The following RTN4 variants were observed in gnomAD, a reference collection of about 807,000 sequenced individuals.
RTN4 encodes the protein reticulon-4.
Under a neutral mutation model 90.4 loss-of-function variants are expected in RTN4, and 32 were observed. That is an observed-to-expected ratio of 0.35 (90% CI 0.27 to 0.48). RTN4 has a LOEUF of 0.48. Ranked by LOEUF, RTN4 falls within the 20% of genes least tolerant of loss-of-function variation. RTN4 has a pLI of 0.99. For missense variants in RTN4, 1,706 were observed against 1,430.2 expected (o/e 1.19, Z -3.11); for synonymous variants, 629 against 552.5 (o/e 1.14, Z -1.94).
rs1179975407 is a variant in RTN4, at chr2:54,972,477, A to AGAAATATTTCT, written c.*668_*678dup. On this transcript the variant is annotated 3_prime_UTR_variant, in exon 9 of 9. Coordinates refer to ENST00000337526, the MANE Select transcript of RTN4 (RefSeq NM_020532.5). ...GTTGAAAACAGATGGTAGTGCTCCT[A>AGAAATATTTCT]GAAATATTTCTTCTTCTAGCTTATG... 6.6e-6 allele frequency: 1 copy of AGAAATATTTCT among 152,608 alleles called. No individual in the cohort carries two copies. Among genetic ancestry groups the AGAAATATTTCT allele is most frequent in the African/African-American group, 2.4e-5 (1 of 41,420 alleles). 9.5% of individuals were successfully genotyped at this position (152,608 alleles called of 1,614,324 possible).
intron 1 of RTN4, among the ~76,000 whole-genome samples, chr2:55,096,136 A>G (rs1463287971): frequency 1.3e-5 from 2 of 152,032 alleles, no homozygotes; most frequent in African/African-American, 4.8e-5. Context: ...AGCCCAACCT[A>G]ACCAACATGG....
Position 55,027,329 on chromosome 2 carries a change from G to A in RTN4, c.770C>T (p.Thr257Ile), listed in dbSNP as rs571192430. 8 of 1,613,468 alleles carry A rather than the reference G, an allele frequency of 5.0e-6. No individual in the cohort carries two copies. The highest frequency in any genetic ancestry group is 2.2e-5 in the East Asian group (1 of 44,878). ...AAGTGTTCCTTCAGTGGGTAATACT[G>A]TTGACAAATTACCAAGGTATTCATG... ...KEHEYLGNLS[T>I]VLPTEGTLQE... The change falls in exon 3 of 9, where the codon ACA becomes ATA. Residue 257 changes from threonine (T) to isoleucine (I), a missense_variant. By Grantham distance (89) the Thr-to-Ile change is moderately conservative (BLOSUM62 -1). Transcript: ENST00000337526.
At chr2:55,019,177 T>A (rs554813691) in intron 3 of RTN4, among the ~76,000 whole-genome samples, 1 of 152,218 alleles carries the variant, frequency 6.6e-6, no homozygotes, top group East Asian at 1.9e-4. Context: ...TACTGATAAT[T>A]AATTAGCTAA....
intron 3 of RTN4, chr2:55,010,173 G>T: frequency 6.2e-7 from 1 of 1,610,928 alleles, no homozygotes; most frequent in Non-Finnish European, 8.5e-7. Flanking sequence ...CATACCAACA[G>T]AAAAGCTGTA....
chr2:55,029,212 A>G (rs1682128805), intron 1 of RTN4, among the ~76,000 whole-genome samples: 1 of 152,186 alleles, frequency 6.6e-6, no homozygotes. Flanking sequence ...AGAGGCCTCA[A>G]AAAGAAATCT....
intron 3 of RTN4, among the ~76,000 whole-genome samples, chr2:55,003,662 G>C (rs1228949146): frequency 6.6e-6 from 1 of 152,174 alleles, no homozygotes; most frequent in Admixed American, 6.5e-5. Flanking sequence ...ATGTCTGCAG[G>C]TTCCACATCT....
At chr2:55,061,252 C>T (rs1016851361) in intron 2 of RTN4, among the ~76,000 whole-genome samples, 3 of 151,890 alleles carry the variant, frequency 2.0e-5, no homozygotes, top group African/African-American at 4.8e-5. Context: ...TTAGTAGGGA[C>T]GGGGTTTCAC....
chr2:54,977,522 C>T lies in RTN4; in HGVS notation c.3361-2758G>A, dbSNP rs185779235. ...CTGCTGAAAATACCTGGTCTTAGTC[C>T]CTAAAAAAGTAAAATTATTAGACAG... is the stretch of plus-strand genomic sequence containing the variant. On this transcript the variant is annotated intron_variant, in intron 5 of 8. Transcript: ENST00000337526. Among the ~76,000 whole-genome samples, 25 of 151,750 alleles carry T rather than the reference C, an allele frequency of 1.6e-4. No individual in the cohort carries two copies. The East Asian group carries it at 4.8e-3, about 29-fold the overall frequency.
intron 3 of RTN4, chr2:55,014,298 A>C (rs1263318226): frequency 2.6e-5 from 4 of 152,184 alleles, no homozygotes; most frequent in Non-Finnish European, 4.4e-5. Flanking sequence ...AATGAATACT[A>C]AAATTCATAA....
In RTN4 at chr2:55,015,059, G is replaced by A. The variant is rs140193956; in HGVS notation, c.3013+10027C>T. ...TAGTGCAAAACGATATTCACAGCTC[G>A]CTAAATTTCTCTGTCCAACTGAATT... On this transcript the variant is annotated intron_variant, in intron 3 of 8. Coordinates refer to ENST00000337526, the MANE Select transcript of RTN4 (RefSeq NM_020532.5). 1.4e-3 allele frequency among the ~76,000 whole-genome samples: 207 copies of A among 152,160 alleles called. 3 individuals carry two copies. In the East Asian group the frequency reaches 0.034, roughly 25 times the overall value.
intron 1 of RTN4, among the ~76,000 whole-genome samples, chr2:55,041,400 A>T (rs1227941565): frequency 6.6e-6 from 1 of 152,122 alleles, no homozygotes; most frequent in African/African-American, 2.4e-5. Flanking sequence ...GATAAAAAAA[A>T]TTTTAAGATG....
chr2:55,014,791 A>G (rs1039119584), intron 3 of RTN4, among the ~76,000 whole-genome samples: 5 of 152,170 alleles, frequency 3.3e-5, no homozygotes, highest in African/African-American at 1.2e-4. Context: ...CTGGGATTAC[A>G]GACGTGAGCC....
chr2:55,074,517 C>CAAAAAAAAA (rs778275041), intron 2 of RTN4, among the ~76,000 whole-genome samples: 1 of 59,604 alleles, frequency 1.7e-5, no homozygotes, highest in Non-Finnish European at 3.6e-5. Flanking sequence ...CTGCCCTCAC[C>CAAAAAAAAA]AAAAAAAAAA....
At chr2:55,035,721 G>A (rs903927346) in intron 1 of RTN4, among the ~76,000 whole-genome samples, 3 of 152,100 alleles carry the variant, frequency 2.0e-5, no homozygotes, top group African/African-American at 7.2e-5. Context: ...CTGAGAGACA[G>A]AGAGAGGAAG....
chr2:55,053,021 T>A (rs906904762), upstream of RTN4, among the ~76,000 whole-genome samples: 1 of 152,180 alleles, frequency 6.6e-6, no homozygotes, highest in Non-Finnish European at 1.5e-5. Context: ...AAAGAATAAT[T>A]ATAAATAGTA....
rs767411188 is a variant in RTN4 at position 55,027,378 on chromosome 2, G to C, written c.721C>G (p.Leu241Val). The change falls in exon 3 of 9, where the codon CTC becomes GTC. Residue 241 changes from leucine to valine, a missense_variant. Physicochemically the swap from Leu to Val is conservative, Grantham distance 32. Coordinates refer to ENST00000337526, the MANE Select transcript of RTN4 (RefSeq NM_020532.5). ...TGTTCTTTGAAAGAAGCGGCTGAGA[G>C]AGGAGACAGAGAAGGAAGAGAAGCA... ...TAASLPSLSP[L>V]SAASFKEHEY... is the part of the protein sequence containing the mutation. The C allele has an allele frequency of 1.2e-6, 2 of 1,613,684 alleles. No homozygotes were observed. Among genetic ancestry groups the C allele is most frequent in the Middle Eastern group, 1.7e-4 (1 of 6,060 alleles).
At chr2:55,120,591 A>T in the RTN4 span, among the ~76,000 whole-genome samples, 1 of 152,144 alleles carries the variant, frequency 6.6e-6, no homozygotes, top group Non-Finnish European at 1.5e-5. Context: ...GATGGTTTAA[A>T]TAAATGTCCA....
intron 1 of RTN4, among the ~76,000 whole-genome samples, chr2:55,040,792 TA>T (rs1050824314): frequency 1.4e-3 from 196 of 143,928 alleles, no homozygotes; most frequent in African/African-American, 3.5e-3. Context: ...TAGGCCTAGT[TA>T]AAAAAAAAAA....
chr2:55,117,694 C>T, the RTN4 span, among the ~76,000 whole-genome samples: 1 of 152,100 alleles, frequency 6.6e-6, no homozygotes, highest in African/African-American at 2.4e-5. Flanking sequence ...GAAGTATGCA[C>T]TTCATTATTT....
Sources: gnomAD v4.1 joint callset for allele counts (sites outside exome capture counted in the v4.1 genomes callset) on GRCh38, gnomAD v4.1.1 for gene constraint, MANE v1.5 for transcripts, NCBI Gene and HGNC (gene_info 2026-07-23, HGNC 2026-07-21) for gene names.